NRG4: variants seen among roughly 807,000 people sequenced by gnomAD.
NRG4 encodes pro-neuregulin-4, membrane-bound isoform.
A neutral mutation model predicts 15.0 loss-of-function variants in NRG4; 10 were observed. That is an observed-to-expected ratio of 0.67 (90% CI 0.41 to 1.13). The LOEUF is 1.13. Among genes scored for constraint, NRG4 ranks in the 50% most tolerant of loss-of-function variants. The pLI, the probability that NRG4 is intolerant of heterozygous loss-of-function variation, is 0.00. For synonymous variants in NRG4, 41 were observed against 50.1 expected, an observed-to-expected ratio of 0.82 and a Z score of 0.77; for missense variants, 139 against 140.2, an observed-to-expected ratio of 0.99 and a Z score of 0.04.
intron 5 of NRG4, among the ~76,000 whole-genome samples, chr15:76,018,506 T>G (rs896378152): frequency 1.3e-5 from 2 of 151,998 alleles, no homozygotes; most frequent in African/African-American, 4.8e-5. Context: ...TCGGATGGGG[T>G]TTCTAAGTGG....
chr15:75,990,703 C>A (rs117622417), intron 3 of NRG4, among the ~76,000 whole-genome samples: 2,538 of 128,468 alleles, frequency 0.02, 31 homozygotes, highest in Non-Finnish European at 0.024. Flanking sequence ...TTTTTTGAGA[C>A]AGGGTCTATG....
chr15:76,038,429 C>A (rs965603262), intron 4 of NRG4, among the ~76,000 whole-genome samples: 4 of 152,216 alleles, frequency 2.6e-5, no homozygotes, highest in Non-Finnish European at 5.9e-5. Context: ...CACAAGCTAA[C>A]TGAAGAGCCC....
At chr15:75,970,721 T>C (rs2033052274) in intron 3 of NRG4, among the ~76,000 whole-genome samples, 1 of 152,236 alleles carries the variant, frequency 6.6e-6, no homozygotes, top group South Asian at 2.1e-4. Context: ...GGTCACAAGA[T>C]GCATGGAGGA....
At chr15:76,007,681 G>A (rs1442010470) in intron 3 of NRG4, among the ~76,000 whole-genome samples, 1 of 152,082 alleles carries the variant, frequency 6.6e-6, no homozygotes, top group African/African-American at 2.4e-5. Context: ...CGCCCACCTT[G>A]GCCTCCCAAA....
At chr15:76,032,431 C>T (rs991952197) in intron 5 of NRG4, among the ~76,000 whole-genome samples, 13 of 151,848 alleles carry the variant, frequency 8.6e-5, no homozygotes, top group African/African-American at 2.9e-4. Context: ...AGGACCTTTC[C>T]GATTATTTTT....
chr15:75,969,527 A>C (rs2032993703), intron 3 of NRG4, among the ~76,000 whole-genome samples: 1 of 152,210 alleles, frequency 6.6e-6, no homozygotes, highest in African/African-American at 2.4e-5. Context: ...TTAGTTCTGA[A>C]AGGTAGTTTC....
At chr15:76,007,037 A>T (rs1294069474) in intron 3 of NRG4, among the ~76,000 whole-genome samples, 1 of 152,234 alleles carries the variant, frequency 6.6e-6, no homozygotes, top group Non-Finnish European at 1.5e-5. Context: ...AAGAAATCAT[A>T]ATGAAAAAAT....
rs929075092 is a variant in NRG4, at chr15:75,956,522, T to C, written c.252-511A>G. The stretch of plus-strand genomic sequence containing the variant: ...ATATAGGTTATGATTTATGTTATGA[T>C]AGATTTTGGAATGTACAGTTGATTT... On this transcript the variant is annotated intron_variant, in intron 4 of 5. Transcript: ENST00000394907. Among the ~76,000 whole-genome samples, 4 of 146,492 alleles carry C rather than the reference T, an allele frequency of 2.7e-5. No individual in the cohort carries two copies. In the South Asian group the frequency reaches 6.6e-4, roughly 24 times the overall value.
intron 5 of NRG4, among the ~76,000 whole-genome samples, chr15:76,026,843 C>T (rs999403199): frequency 3.3e-5 from 5 of 152,086 alleles, no homozygotes; most frequent in Admixed American, 6.5e-5. Flanking sequence ...AAACAAGAGG[C>T]CAGGTGTGGT....
intron 5 of NRG4, among the ~76,000 whole-genome samples, chr15:75,944,112 CTATT>C: frequency 1.3e-5 from 2 of 152,228 alleles, no homozygotes; most frequent in Admixed American, 1.3e-4. Context: ...CTAATTGGGA[CTATT>C]TAGAGACAAA....
chr15:75,939,407 G>A (rs1449580929), downstream of NRG4: 1 of 152,084 alleles, frequency 6.6e-6, no homozygotes, highest in Non-Finnish European at 1.5e-5. Context: ...TAACCAGTAA[G>A]GTAATTGAAT....
At chr15:76,028,062 A>G (rs1032373494) in intron 5 of NRG4, among the ~76,000 whole-genome samples, 14 of 152,146 alleles carry the variant, frequency 9.2e-5, no homozygotes, top group Non-Finnish European at 1.9e-4. Flanking sequence ...TGTCTACACA[A>G]AAAACTAGAA....
chr15:75,957,232 T>C (rs1567075461), intron 4 of NRG4, among the ~76,000 whole-genome samples: 1 of 152,228 alleles, frequency 6.6e-6, no homozygotes, highest in Non-Finnish European at 1.5e-5. Flanking sequence ...TTTCTTGCAC[T>C]TCACACACGC....
intron 2 of NRG4, among the ~76,000 whole-genome samples, chr15:76,010,439 A>T (rs1056931690): frequency 2.0e-5 from 3 of 152,108 alleles, no homozygotes; most frequent in African/African-American, 7.2e-5. Context: ...ACTTGCTAAG[A>T]TATAATTGCT....
At chr15:76,034,422 G>C (rs372390846) in intron 5 of NRG4, among the ~76,000 whole-genome samples, 3 of 152,134 alleles carry the variant, frequency 2.0e-5, no homozygotes, top group Admixed American at 1.3e-4. Context: ...TAAGTCTCAG[G>C]AGCATCTGCT....
intron 2 of NRG4, chr15:76,053,210 C>T (rs2036067349): frequency 6.6e-6 from 1 of 150,920 alleles, no homozygotes; most frequent in Non-Finnish European, 1.5e-5. Context: ...ATTCCTCAAA[C>T]TTATTTAGGC....
At chr15:75,988,986 T>C (rs1209011382) in intron 3 of NRG4, among the ~76,000 whole-genome samples, 1 of 151,712 alleles carries the variant, frequency 6.6e-6, no homozygotes, top group Non-Finnish European at 1.5e-5. Context: ...GCCTCCCACG[T>C]AGCTGGGACT....
chr15:75,960,134 A>G (rs959481067), intron 4 of NRG4, among the ~76,000 whole-genome samples: 2 of 152,236 alleles, frequency 1.3e-5, no homozygotes, highest in Admixed American at 6.5e-5. Context: ...ATTAAACATA[A>G]TTCATTAATT....
At chr15:76,016,856 T>A (rs2034993989), upstream of NRG4, among the ~76,000 whole-genome samples, 1 of 152,226 alleles carries the variant, frequency 6.6e-6, no homozygotes, top group Non-Finnish European at 1.5e-5. Flanking sequence ...GTCCACTTGG[T>A]CCAGAGCTGA....
Sources: allele counts gnomAD v4.1 joint callset (sites outside exome capture counted in the v4.1 genomes callset), GRCh38; gene constraint gnomAD v4.1.1; transcripts MANE v1.5; gene names NCBI Gene and HGNC (gene_info 2026-07-23, HGNC 2026-07-21).